Variants in TET2 observed in about 807,000 individuals in gnomAD.
TET2 encodes the protein tet methylcytosine dioxygenase 2.
Under a neutral mutation model 142.9 loss-of-function variants are expected in TET2, and 299 were observed. The observed-to-expected ratio is 2.09, with a 90% CI of 1.90 to 2.30. The LOEUF (loss-of-function observed/expected upper bound fraction) is 2.30. Ranked by LOEUF, TET2 falls within the 30% of genes most tolerant of loss-of-function variation. The pLI is 0.00. For missense variants in TET2, 2,418 were observed against 2,378.0 expected (o/e 1.02, Z -0.35); for synonymous variants, 819 against 849.0 (o/e 0.96, Z 0.61).
intron 4 of TET2, 39 bp from the exon 5 acceptor site, chr4:105,242,795 C>T (rs1560552755): frequency 6.5e-7 from 1 of 1,532,148 alleles, no homozygotes; most frequent in East Asian, 2.5e-5. Context: ...AATTCATTTG[C>T]TAATTGTATG....
At chr4:105,190,669 T>C in intron 2 of TET2, 164 bp downstream of exon 2, 1 of 552,294 alleles carries the variant, frequency 1.8e-6, no homozygotes, top group Non-Finnish European at 3.2e-6. Context: ...TGTTAAGATT[T>C]GTGAATTTAC....
rs867474555 is a variant in TET2 at position 105,237,284 on chromosome 4, TC to T, written c.3344del (p.Pro1115LeufsTer2). 2.5e-6 allele frequency: 4 copies of T among 1,613,996 alleles called. No homozygotes were observed. The highest frequency in any genetic ancestry group is 2.5e-6 in the Non-Finnish European group (3 of 1,179,970). ...AGTCACCTTCCAAATTACTAGATACTCCTATAAAAAATTTATTGGATACACC... is the reference window on the plus strand; with the variant it reads ...AGTCACCTTCCAAATTACTAGATACTCTATAAAAAATTTATTGGATACACC... ...IESPSKLLDTPIKNLLDTPVK... is the reference protein window; with the variant it reads ...IESPSKLLDTXIKNLLDTPVK... On this transcript the variant is annotated frameshift_variant, in exon 3 of 11. Transcript: ENST00000380013. LOFTEE classifies it high-confidence loss of function.
At chr4:105,268,283 TAAAC>T (rs1730787490) in intron 8 of TET2, among the ~76,000 whole-genome samples, 1 of 152,050 alleles carries the variant, frequency 6.6e-6, no homozygotes, top group Non-Finnish European at 1.5e-5. Flanking sequence ...TAAATCAAAA[TAAAC>T]CATTAAAATA....
At chr4:105,200,264 G>T (rs1223782544) in intron 2 of TET2, among the ~76,000 whole-genome samples, 3 of 152,048 alleles carry the variant, frequency 2.0e-5, no homozygotes, top group Non-Finnish European at 1.5e-5. Context: ...TCTCATTGTG[G>T]TTTTGATTTG....
At chr4:105,204,385 T>C (rs1726691585) in intron 2 of TET2, among the ~76,000 whole-genome samples, 1 of 152,146 alleles carries the variant, frequency 6.6e-6, no homozygotes, top group Admixed American at 6.6e-5. Context: ...TTAATAGATA[T>C]TTAAATGAAT....
chr4:105,224,700 C>CTCTCTCTCTCTCTG (rs1200607275), intron 2 of TET2, among the ~76,000 whole-genome samples: 1 of 147,718 alleles, frequency 6.8e-6, no homozygotes, highest in African/African-American at 2.5e-5. Context: ...CTCTCTCTCT[C>CTCTCTCTCTCTCTG]TCTCTCTCTC....
chr4:105,260,096 C>T (rs1298469167), intron 7 of TET2, among the ~76,000 whole-genome samples: 1 of 152,030 alleles, frequency 6.6e-6, no homozygotes, highest in African/African-American at 2.4e-5. Context: ...ATAAGTACTA[C>T]ATTCAGAAAA....
In TET2 at chr4:105,276,026, G is replaced by C; in HGVS notation, c.5516G>C (p.Gly1839Ala). 1 of 1,551,680 alleles carries C rather than the reference G, an allele frequency of 6.4e-7. No homozygotes were observed. The highest frequency in any genetic ancestry group is 8.7e-7 in the Non-Finnish European group (1 of 1,146,986). Residue 1839 changes from glycine to alanine, a missense_variant, in exon 11 of 11, where the codon GGT (glycine) becomes GCT (alanine). By Grantham distance (60) the Gly-to-Ala change is moderately conservative (BLOSUM62 0). Transcript: ENST00000380013. ...GCACTAGTCCAGGGTGTGGCTTCTG[G>C]TGCAGAGGACAACGATGAGGTCTGG... ...PLALVQGVAS[G>A]AEDNDEVWSD...
intron 1 of TET2, among the ~76,000 whole-genome samples, chr4:105,180,549 C>T (rs564509352): frequency 1.3e-5 from 2 of 152,192 alleles, no homozygotes; most frequent in African/African-American, 4.8e-5. Context: ...AATCTCATGA[C>T]ACTTAAAAAA....
Position 105,275,304 on chromosome 4 carries a change from T to G in TET2, c.4794T>G (p.Tyr1598Ter). 6.4e-7 allele frequency: 1 copy of G among 1,552,120 alleles called. No individual in the cohort carries two copies. Among genetic ancestry groups the G allele is most frequent in the Non-Finnish European group, 8.7e-7 (1 of 1,147,072 alleles). ...GAAGCACCAGCCCTATGAACTTCTA[T>G]TCCACCTCATCTCAAGCTGCAGGTT... ...IYGSTSPMNFYSTSSQAAGSY... is the reference protein window; with the variant it reads ...IYGSTSPMNF The change falls in exon 11 of 11, where the codon TAT becomes TAG. Residue 1598 changes from tyrosine to a stop codon, truncating the protein, a stop_gained. Transcript: ENST00000380013. LOFTEE classifies it low-confidence loss of function (END_TRUNC).
intron 2 of TET2, among the ~76,000 whole-genome samples, chr4:105,226,411 A>G (rs143014669): frequency 9.9e-5 from 15 of 152,140 alleles, no homozygotes; most frequent in African/African-American, 3.1e-4. Context: ...TAGCCGTGTG[A>G]TATGGTTTGG....
In TET2 at chr4:105,236,539, A is replaced by C; in HGVS notation, c.2597A>C (p.Gln866Pro). The C allele has an allele frequency of 3.1e-6, 5 of 1,614,128 alleles. No homozygotes were observed. Among genetic ancestry groups the C allele is most frequent in the Non-Finnish European group, 4.2e-6 (5 of 1,179,998 alleles). ...AAGACCCAAAACTTGCATCACATGC[A>C]ATATTTTCCAAATAATGTGATCCCA... is the stretch of plus-strand genomic sequence containing the variant. ...GNKTQNLHHM[Q>P]YFPNNVIPKQ... is the part of the protein sequence containing the mutation. The change falls in exon 3 of 11, where the codon CAA becomes CCA. Residue 866 changes from glutamine (Q) to proline (P), a missense_variant. Gln to Pro is a moderately conservative substitution (Grantham distance 76, BLOSUM62 -1). Coordinates refer to ENST00000380013, the MANE Select transcript of TET2 (RefSeq NM_001127208.3).
intron 8 of TET2, among the ~76,000 whole-genome samples, chr4:105,267,539 TA>T (rs35668673): frequency 0.56 from 71,394 of 127,462 alleles, 18,371 homozygotes; most frequent in African/African-American, 0.59. Context: ...CTTAAACCAC[TA>T]AAAAAAAAAA....
intron 1 of TET2, among the ~76,000 whole-genome samples, chr4:105,152,585 TC>T (rs1723360407): frequency 9.9e-6 from 1 of 100,960 alleles, no homozygotes; most frequent in African/African-American, 3.1e-5. Flanking sequence ...CCTTTTTCTT[TC>T]TTTCTTTCTT....
At chr4:105,227,647 T>TA (rs1332681654) in intron 2 of TET2, among the ~76,000 whole-genome samples, 10 of 152,174 alleles carry the variant, frequency 6.6e-5, no homozygotes, top group Admixed American at 2.0e-4. Flanking sequence ...TTCAAAATAT[T>TA]TCTGATGAGT....
chr4:105,200,753 C>T (rs1350223347), intron 2 of TET2, among the ~76,000 whole-genome samples: 3 of 151,998 alleles, frequency 2.0e-5, no homozygotes, highest in South Asian at 2.1e-4. Context: ...CTCCACATTC[C>T]GGGTTCAAGC....
At chr4:105,213,554 A>T (rs1254580999) in intron 2 of TET2, among the ~76,000 whole-genome samples, 2 of 152,164 alleles carry the variant, frequency 1.3e-5, no homozygotes, top group Non-Finnish European at 2.9e-5. Flanking sequence ...CTATTTTAAG[A>T]TATTTTTCTG....
intron 1 of TET2, among the ~76,000 whole-genome samples, chr4:105,181,740 G>GA (rs1370408303): frequency 2.0e-5 from 3 of 152,130 alleles, no homozygotes; most frequent in Non-Finnish European, 4.4e-5. Flanking sequence ...TCGAAGATGT[G>GA]AAAATCCAGT....
intron 1 of TET2, among the ~76,000 whole-genome samples, chr4:105,176,518 A>T (rs1724804680): frequency 6.6e-6 from 1 of 152,204 alleles, no homozygotes; most frequent in Admixed American, 6.5e-5. Flanking sequence ...AATTTGAATT[A>T]AAAACACATT....
Sources: gnomAD v4.1 joint callset for allele counts (sites outside exome capture counted in the v4.1 genomes callset) on GRCh38, gnomAD v4.1.1 for gene constraint, MANE v1.5 for transcripts, NCBI Gene and HGNC (gene_info 2026-07-23, HGNC 2026-07-21) for gene names.